BAZ1A: variants seen among roughly 807,000 people sequenced by gnomAD.
BAZ1A encodes bromodomain adjacent to zinc finger domain protein 1A.
BAZ1A carries 50 observed loss-of-function variants against 185.2 expected under a neutral mutation model. The ratio of observed to expected loss-of-function variants is 0.27; its 90% CI spans 0.22 to 0.34. The LOEUF is 0.34. BAZ1A is among the 10% of genes least tolerant of loss of function. The probability of loss-of-function intolerance (pLI) is 1.00; values close to 1 mark genes in which losing one functional copy is unlikely to be tolerated. For synonymous variants in BAZ1A, 571 were observed against 615.6 expected (o/e 0.93, Z 1.07); for missense variants, 1,356 against 1,839.9 (o/e 0.74, Z 4.81).
chr14:34,785,286 T>C (rs980733554), intron 14 of BAZ1A, among the ~76,000 whole-genome samples: 4 of 152,208 alleles, frequency 2.6e-5, no homozygotes, highest in Admixed American at 2.0e-4. Context: ...CCATAAATTA[T>C]AAAGACTGCA....
Position 34,765,095 on chromosome 14 carries a change from C to T in BAZ1A, c.3475G>A (p.Asp1159Asn). The T allele has an allele frequency of 3.1e-6, 5 of 1,614,148 alleles. No individual in the cohort carries two copies. The highest frequency in any genetic ancestry group is 4.2e-6 in the Non-Finnish European group (5 of 1,180,020). The change falls in exon 22 of 27, where the codon GAT becomes AAT. Residue 1159 changes from aspartate (D) to asparagine (N), a missense_variant. Coordinates refer to ENST00000360310, the MANE Select transcript of BAZ1A (RefSeq NM_013448.3). ...TCACAAAGAACCATGTTTTCAGCAT[C>T]GCCTTTCTTTCGACATATCTTGCAA... ...ARCKICRKKG[D>N]AENMVLCDGC...
In BAZ1A at chr14:34,863,152, C is replaced by CTT. The variant is rs71121233; in HGVS notation, c.114-832_114-831dup. On this transcript the variant is annotated intron_variant, in intron 2 of 26. Coordinates refer to ENST00000360310, the MANE Select transcript of BAZ1A (RefSeq NM_013448.3). ...TACAGGTGCCCGCCACCACGCTCGG[C>CTT]TTTTTTTTTTTTTTTTTTTTTTTTT... Among the ~76,000 whole-genome samples, 122 of 44,694 alleles carry CTT rather than the reference C, an allele frequency of 2.7e-3. 24 individuals carry two copies. Among genetic ancestry groups the CTT allele is most frequent in the Non-Finnish European group, 3.9e-3 (82 of 20,764 alleles). 29.3% of individuals were successfully genotyped at this position (44,694 alleles called of 152,430 possible). A position where few individuals can be genotyped will look rare whatever the true frequency, so the allele number is the denominator to read the frequency against.
At chr14:34,832,678 A>G (rs1200404) in intron 3 of BAZ1A, among the ~76,000 whole-genome samples, 134,053 of 152,128 alleles carry the variant, frequency 0.88, 59,776 homozygotes, top group Non-Finnish European at 0.96. Context: ...AAGTGTTAAT[A>G]AGAATGTAGA....
chr14:34,802,790 T>C (rs1194840626), intron 7 of BAZ1A, 64 bp downstream of exon 7: 1 of 1,517,426 alleles, frequency 6.6e-7, no homozygotes, highest in Non-Finnish European at 8.9e-7. Flanking sequence ...ACAAACATAC[T>C]TCTTGATTCT....
intron 3 of BAZ1A, among the ~76,000 whole-genome samples, chr14:34,830,700 C>T (rs1454809254): frequency 1.3e-5 from 2 of 150,184 alleles, no homozygotes; most frequent in African/African-American, 4.9e-5. Context: ...TTGCAAGATA[C>T]AGTAGGGAGT....
In BAZ1A at chr14:34,794,885, T is replaced by C; in HGVS notation, c.1227A>G (p.Glu409=). The stretch of plus-strand genomic sequence containing the variant: ...TTTTCACTGGTGTTGGTTCTGGAAG[T>C]TCCTGAAATATTGAACAATTTATAT... The part of the protein sequence containing the change: ...REDMECDDLK[E]LPEPTPVKTR... The change falls in exon 11 of 27, where the codon GAA becomes GAG. Residue 409 remains glutamate (E), a splice_region_variant and synonymous_variant. Transcript: ENST00000360310. 1 of 1,609,858 alleles carries C rather than the reference T, an allele frequency of 6.2e-7. No individual in the cohort carries two copies. Among genetic ancestry groups the C allele is most frequent in the Non-Finnish European group, 8.5e-7 (1 of 1,178,946 alleles).
Position 34,758,822 on chromosome 14 carries a change from C to T in BAZ1A, c.4268G>A (p.Arg1423Gln), listed in dbSNP as rs202171744. Residue 1423 changes from arginine to glutamine, a missense_variant, in exon 25 of 27, where the codon CGA (arginine) becomes CAA (glutamine). Physicochemically the swap from Arg to Gln is conservative, Grantham distance 43 (BLOSUM62 1). Transcript: ENST00000360310. The part of the protein sequence containing the change: ...SPEPSPVTLG[R>Q]RSSGRQGGVH... ...TCCTCCCTGTCGGCCAGAACTCCTT[C>T]GACCCAGTGTCACAGGCGATGGCTC... 1 of 1,614,046 alleles carries T rather than the reference C, an allele frequency of 6.2e-7. No individual in the cohort carries two copies. The highest frequency in any genetic ancestry group is 1.7e-5 in the Admixed American group (1 of 59,990).
intron 25 of BAZ1A, 105 bp downstream of exon 25, chr14:34,758,599 A>C (rs1886374271): frequency 5.8e-6 from 7 of 1,213,252 alleles, no homozygotes; most frequent in Non-Finnish European, 6.8e-6. Context: ...ACAACAACAA[A>C]AAAAACTAGA....
At chr14:34,838,903 A>G (rs1430531920) in intron 3 of BAZ1A, among the ~76,000 whole-genome samples, 1 of 152,158 alleles carries the variant, frequency 6.6e-6, no homozygotes, top group Non-Finnish European at 1.5e-5. Flanking sequence ...CTGATGATAA[A>G]CATTAACAAA....
intron 3 of BAZ1A, among the ~76,000 whole-genome samples, chr14:34,859,924 C>T (rs181830214): frequency 3.7e-4 from 56 of 152,288 alleles, no homozygotes; most frequent in African/African-American, 1.1e-3. Flanking sequence ...CCTCCCCAAA[C>T]GCCCCAACCC....
chr14:34,780,139 G>A (rs940013552), intron 17 of BAZ1A, 47 bp downstream of exon 17: 2 of 1,604,908 alleles, frequency 1.2e-6, no homozygotes, highest in South Asian at 1.1e-5. Flanking sequence ...TGCTTTATTG[G>A]TTAAAAACAA....
chr14:34,854,250 C>CT (rs1483193991), intron 3 of BAZ1A, among the ~76,000 whole-genome samples: 1 of 151,800 alleles, frequency 6.6e-6, no homozygotes, highest in East Asian at 1.9e-4. Context: ...AACATGGCAA[C>CT]TCCCTGTCTA....
chr14:34,768,578 C>G (rs1879004775), intron 21 of BAZ1A: 2 of 251,868 alleles, frequency 7.9e-6, no homozygotes, highest in Non-Finnish European at 1.6e-5. Context: ...AAATCAAATC[C>G]AAGGTTTTCC....
At chr14:34,869,881 A>G (rs2042923831) in intron 2 of BAZ1A, among the ~76,000 whole-genome samples, 1 of 152,180 alleles carries the variant, frequency 6.6e-6, no homozygotes, top group South Asian at 2.1e-4. Flanking sequence ...TGAAACTCTA[A>G]GACCACCATG....
Position 34,862,028 on chromosome 14 carries a change from A to G in BAZ1A, c.392+16T>C. 1.2e-6 allele frequency: 2 copies of G among 1,606,358 alleles called. No individual in the cohort carries two copies. Among genetic ancestry groups the G allele is most frequent in the Non-Finnish European group, 1.7e-6 (2 of 1,175,604 alleles). On this transcript the variant is annotated intron_variant, in intron 3 of 26. Transcript: ENST00000360310. ...GAATATAAACTTACCAAGAGGAAAA[A>G]TTAAAAGTACTTTACCTTGCACCAT... is the stretch of plus-strand genomic sequence containing the variant.
chr14:34,856,989 T>G (rs1218759019), intron 3 of BAZ1A, among the ~76,000 whole-genome samples: 1 of 151,384 alleles, frequency 6.6e-6, no homozygotes. Flanking sequence ...CATTACTTCC[T>G]GAGGCTTCTG....
chr14:34,867,297 A>G (rs1337044525), intron 2 of BAZ1A, among the ~76,000 whole-genome samples: 4 of 152,186 alleles, frequency 2.6e-5, no homozygotes, highest in Non-Finnish European at 4.4e-5. Flanking sequence ...TGTATATTTT[A>G]CATTTATGTC....
chr14:34,830,955 C>T (rs1040359537), intron 3 of BAZ1A, among the ~76,000 whole-genome samples: 6 of 151,950 alleles, frequency 3.9e-5, no homozygotes, highest in African/African-American at 1.5e-4. Flanking sequence ...TGGGGTTTCT[C>T]CATGTTGGCC....
At chr14:34,826,192 T>C (rs1041595070) in intron 3 of BAZ1A, 36 bp from the exon 4 acceptor site, 1 of 1,595,648 alleles carries the variant, frequency 6.3e-7, no homozygotes, top group African/African-American at 1.3e-5. Flanking sequence ...ATGCAAATCA[T>C]TTCATATTTT....
Sources: allele counts gnomAD v4.1 joint callset (sites outside exome capture counted in the v4.1 genomes callset), GRCh38; gene constraint gnomAD v4.1.1; transcripts MANE v1.5; gene names NCBI Gene and HGNC (gene_info 2026-07-23, HGNC 2026-07-21).